The following WWOX variants were observed in gnomAD, a reference collection of about 807,000 sequenced individuals.
The protein encoded by WWOX is WW domain containing oxidoreductase, also known as WW domain-containing oxidoreductase.
In WWOX, 69 loss-of-function variants were observed where a neutral mutation model predicts 46.2. That is an observed-to-expected ratio of 1.49 (90% CI 1.23 to 1.82). The LOEUF (loss-of-function observed/expected upper bound fraction) is 1.82. WWOX is among the 40% of genes most tolerant of loss of function. The pLI, the probability that WWOX is intolerant of heterozygous loss-of-function variation, is 0.00. For missense variants in WWOX, 919 were observed against 542.6 expected, an observed-to-expected ratio of 1.69 and a Z score of -6.89; for synonymous variants, 359 against 202.6, an observed-to-expected ratio of 1.77 and a Z score of -6.56.
intron 8 of WWOX, among the ~76,000 whole-genome samples, chr16:78,458,084 G>A (rs1401485004): frequency 1.3e-5 from 2 of 151,588 alleles, no homozygotes; most frequent in South Asian, 4.2e-4. Context: ...CCTGGGCTTA[G>A]TAAGTTGCCT....
intron 8 of WWOX, among the ~76,000 whole-genome samples, chr16:78,801,688 G>C (rs2050894267): frequency 6.6e-6 from 1 of 152,146 alleles, no homozygotes; most frequent in Non-Finnish European, 1.5e-5. Flanking sequence ...TGAGTGGTGA[G>C]TTGTGGATAC....
intron 5 of WWOX, among the ~76,000 whole-genome samples, chr16:78,366,503 A>G (rs905345706): frequency 6.6e-6 from 1 of 152,188 alleles, no homozygotes; most frequent in Non-Finnish European, 1.5e-5. Context: ...ATTAATTATA[A>G]GACTGTTAGA....
chr16:78,524,145 G>C (rs575178604), intron 8 of WWOX, among the ~76,000 whole-genome samples: 6 of 152,164 alleles, frequency 3.9e-5, no homozygotes, highest in African/African-American at 1.2e-4. Flanking sequence ...GATGTGTTTG[G>C]GTTGATTCCC....
chr16:78,874,962 T>G (rs551422032), intron 8 of WWOX, among the ~76,000 whole-genome samples: 19 of 152,274 alleles, frequency 1.2e-4, no homozygotes, highest in Admixed American at 1.2e-3. Context: ...CCTGCCCCCA[T>G]GACTTCACGT....
chr16:79,211,930 C>A lies in WWOX; in HGVS notation c.*134C>A, dbSNP rs539177113. 1 of 1,538,950 alleles carries A rather than the reference C, an allele frequency of 6.5e-7. No individual in the cohort carries two copies. The highest frequency in any genetic ancestry group is 1.2e-5 in the South Asian group (1 of 84,396). On this transcript the variant is annotated 3_prime_UTR_variant, in exon 9 of 9. Coordinates refer to ENST00000566780, the MANE Select transcript of WWOX (RefSeq NM_016373.4). Reference sequence around the variant, plus strand: ...GTAAAGGAAATAAGAGCAGTCACAACAGAGTGAAAAATCTTAAGTACCAAT... The same window carrying A: ...GTAAAGGAAATAAGAGCAGTCACAAAAGAGTGAAAAATCTTAAGTACCAAT...
intron 8 of WWOX, among the ~76,000 whole-genome samples, chr16:78,581,355 T>C (rs1447337266): frequency 6.6e-6 from 1 of 152,226 alleles, no homozygotes; most frequent in Non-Finnish European, 1.5e-5. Context: ...ATTCAATTGC[T>C]GTACCCTTTT....
At chr16:78,981,933 A>C (rs1257999680) in intron 8 of WWOX, 1 of 152,200 alleles carries the variant, frequency 6.6e-6, no homozygotes, top group Non-Finnish European at 1.5e-5. Flanking sequence ...TTTGGATGCT[A>C]CAACTGTATG....
At chr16:78,813,099 C>A (rs1269729254) in intron 8 of WWOX, among the ~76,000 whole-genome samples, 1 of 139,904 alleles carries the variant, frequency 7.1e-6, no homozygotes. Context: ...TTTTTTTTTT[C>A]CAACTTGTAT....
chr16:78,972,098 C>G (rs2046482420), intron 8 of WWOX, among the ~76,000 whole-genome samples: 1 of 152,186 alleles, frequency 6.6e-6, no homozygotes, highest in Non-Finnish European at 1.5e-5. Context: ...CCAGACCTCT[C>G]AGGAAAGAGC....
At chr16:79,115,230 T>C (rs1234000057) in intron 8 of WWOX, among the ~76,000 whole-genome samples, 1 of 152,222 alleles carries the variant, frequency 6.6e-6, no homozygotes, top group Non-Finnish European at 1.5e-5. Flanking sequence ...TGGCTGGAAT[T>C]CTCTCTAACA....
intron 8 of WWOX, among the ~76,000 whole-genome samples, chr16:78,907,004 G>A (rs897165722): frequency 7.2e-5 from 11 of 152,176 alleles, no homozygotes; most frequent in South Asian, 2.1e-4. Context: ...AGATAAAGCC[G>A]ATTTATCTAG....
At chr16:78,271,374 C>G (rs115114833) in intron 5 of WWOX, among the ~76,000 whole-genome samples, 3,642 of 152,300 alleles carry the variant, frequency 0.024, 42 homozygotes, top group African/African-American at 0.03. Flanking sequence ...TGAAACATAA[C>G]CACAGTGTGC....
chr16:78,236,535 C>G (rs1296917866), intron 5 of WWOX, among the ~76,000 whole-genome samples: 1 of 152,158 alleles, frequency 6.6e-6, no homozygotes. Flanking sequence ...AAGTAGTTTA[C>G]TCGTACGAAC....
chr16:78,992,861 G>A (rs4888005), intron 8 of WWOX, among the ~76,000 whole-genome samples: 149,138 of 152,050 alleles, frequency 0.98, 73,228 homozygotes, highest in East Asian at 1. Context: ...TAAGTAGGCA[G>A]TCAGGATTTA....
At chr16:78,585,064 G>A (rs1191670799) in intron 8 of WWOX, among the ~76,000 whole-genome samples, 3 of 152,158 alleles carry the variant, frequency 2.0e-5, no homozygotes, top group Non-Finnish European at 2.9e-5. Flanking sequence ...CTGTTCAAAG[G>A]CAGTTACGGA....
At chr16:78,403,153 A>T (rs1402058485) in intron 6 of WWOX, among the ~76,000 whole-genome samples, 4 of 152,214 alleles carry the variant, frequency 2.6e-5, no homozygotes, top group Non-Finnish European at 5.9e-5. Context: ...GAGATGTTTT[A>T]TTTTTTGAGT....
intron 8 of WWOX, among the ~76,000 whole-genome samples, chr16:79,140,859 G>A (rs1252152657): frequency 6.6e-6 from 1 of 152,134 alleles, no homozygotes; most frequent in African/African-American, 2.4e-5. Context: ...AACAGTTTCC[G>A]TACGTCAGTT....
intron 8 of WWOX, among the ~76,000 whole-genome samples, chr16:78,616,898 T>C (rs899054427): frequency 2.6e-5 from 4 of 152,134 alleles, no homozygotes; most frequent in Non-Finnish European, 5.9e-5. Flanking sequence ...TTTCAACATA[T>C]AAATTTTGGG....
intron 8 of WWOX, among the ~76,000 whole-genome samples, chr16:78,440,629 T>TCTTA (rs1478701395): frequency 1.4e-5 from 2 of 145,718 alleles, no homozygotes; most frequent in Admixed American, 6.7e-5. Context: ...TTTTTTCTTT[T>TCTTA]TTTTTGAGAC....
Sources: gnomAD v4.1 joint callset for allele counts (sites outside exome capture counted in the v4.1 genomes callset) on GRCh38, gnomAD v4.1.1 for gene constraint, MANE v1.5 for transcripts, NCBI Gene and HGNC (gene_info 2026-07-23, HGNC 2026-07-21) for gene names.